RNF220: variants seen among roughly 807,000 people sequenced by gnomAD.
RNF220 encodes the protein E3 ubiquitin-protein ligase RNF220.
Under a neutral mutation model 67.1 loss-of-function variants are expected in RNF220, and 7 were observed. The observed-to-expected ratio is 0.10, with a 90% CI of 0.06 to 0.20. The LOEUF (loss-of-function observed/expected upper bound fraction) is 0.20, where lower values mean the gene tolerates loss of function less well. Among genes scored for constraint, RNF220 ranks in the 10% least tolerant of loss-of-function variants. The pLI is 1.00. For synonymous variants in RNF220, 270 were observed against 283.2 expected (o/e 0.95, Z 0.47); for missense variants, 565 against 740.3 (o/e 0.76, Z 2.75).
chr1:44,635,477 A>T (rs1452627695), intron 6 of RNF220, 68 bp from the exon 7 acceptor site: 23 of 1,581,822 alleles, frequency 1.5e-5, no homozygotes, highest in Non-Finnish European at 1.9e-5. Flanking sequence ...TGTCAGCTCC[A>T]CTGGGACCCT....
intron 2 of RNF220, among the ~76,000 whole-genome samples, chr1:44,604,776 A>G (rs1011655819): frequency 4.7e-4 from 71 of 152,242 alleles, no homozygotes; most frequent in African/African-American, 1.7e-3. Context: ...ATGCATCACC[A>G]TAGGAGTCAG....
At chr1:44,424,120 T>C (rs1649504069) in intron 2 of RNF220, 1 of 624,994 alleles carries the variant, frequency 1.6e-6, no homozygotes, top group African/African-American at 2.0e-5. Flanking sequence ...CTTCCTCTTC[T>C]TGACAGCCTT....
At chr1:44,552,951 G>A (rs1436868009) in intron 2 of RNF220, among the ~76,000 whole-genome samples, 2 of 152,040 alleles carry the variant, frequency 1.3e-5, no homozygotes, top group East Asian at 3.9e-4. Flanking sequence ...ACCACGCCCC[G>A]CCTTGAGCTA....
chr1:44,521,386 A>G (rs1377866485), intron 2 of RNF220, among the ~76,000 whole-genome samples: 1 of 152,228 alleles, frequency 6.6e-6, no homozygotes, highest in African/African-American at 2.4e-5. Context: ...GAGTTTACAC[A>G]TGGGATGACA....
At chr1:44,538,435 C>T (rs148394435) in intron 2 of RNF220, among the ~76,000 whole-genome samples, 2 of 152,186 alleles carry the variant, frequency 1.3e-5, no homozygotes, top group Non-Finnish European at 2.9e-5. Context: ...GATTGGTCTA[C>T]ACTTTCTCAC....
At chr1:44,549,302 C>G (rs1401510511) in intron 2 of RNF220, among the ~76,000 whole-genome samples, 3 of 152,198 alleles carry the variant, frequency 2.0e-5, no homozygotes, top group Admixed American at 1.3e-4. Flanking sequence ...AGCACAATGC[C>G]TTGCATATAG....
intron 6 of RNF220, among the ~76,000 whole-genome samples, chr1:44,634,400 G>A (rs1644263216): frequency 6.6e-6 from 1 of 152,244 alleles, no homozygotes; most frequent in African/African-American, 2.4e-5. Context: ...CCTTGGGTAA[G>A]GTACTTGGCT....
intron 2 of RNF220, among the ~76,000 whole-genome samples, chr1:44,602,304 G>A (rs1185404660): frequency 1.3e-5 from 2 of 152,146 alleles, no homozygotes; most frequent in Non-Finnish European, 2.9e-5. Context: ...TCCAGAGGGT[G>A]GAGAAGCAAT....
In RNF220 at chr1:44,477,679, G is replaced by A. The variant is rs150029947; in HGVS notation, c.625+64957G>A. On this transcript the variant is annotated intron_variant, in intron 2 of 14. Coordinates refer to ENST00000361799, the MANE Select transcript of RNF220 (RefSeq NM_018150.4). The stretch of plus-strand genomic sequence containing the variant: ...CTCCTTGTAGTAGGTCTAATCCAAA[G>A]ATGTTCATTCTGCAGCTTAGGCTGA... Among the ~76,000 whole-genome samples the A allele has an allele frequency of 7.8e-3, 1,181 of 152,298 alleles. 17 individuals carry two copies. The highest frequency in any genetic ancestry group is 0.027 in the African/African-American group (1,103 of 41,558).
chr1:44,633,280 G>A (rs1644223349), intron 6 of RNF220, among the ~76,000 whole-genome samples: 1 of 152,202 alleles, frequency 6.6e-6, no homozygotes, highest in South Asian at 2.1e-4. Context: ...AAGAAAACAG[G>A]CTCTGAGAGG....
chr1:44,614,133 T>C, intron 2 of RNF220, 32 bp from the exon 3 acceptor site: 1 of 1,613,364 alleles, frequency 6.2e-7, no homozygotes. Flanking sequence ...TAGCCCAGCT[T>C]ACGCGTCTGT....
Position 44,622,859 on chromosome 1 carries a change from G to A in RNF220, c.804+72G>A. The A allele has an allele frequency of 1.5e-6, 2 of 1,320,890 alleles. No homozygotes were observed. Among genetic ancestry groups the A allele is most frequent in the African/African-American group, 1.5e-5 (1 of 68,416 alleles). The allele number at this position is 1,320,890 out of a possible 1,614,324, so 81.8% of individuals were successfully genotyped here. A position where few individuals can be genotyped will look rare whatever the true frequency, so the allele number is the denominator to read the frequency against. On this transcript the variant is annotated intron_variant, in intron 4 of 14. Transcript: ENST00000361799. The surrounding 1 kb of genome is among the most constrained non-coding windows in gnomAD (Gnocchi z 4.3). ...CCTACCCAGAACTGGTTCCTCCTGA[G>A]AAAAAGGAGCTTTTCTAGTATCCTC...
intron 2 of RNF220, among the ~76,000 whole-genome samples, chr1:44,421,916 A>G (rs1649266489): frequency 6.6e-6 from 1 of 152,078 alleles, no homozygotes; most frequent in Non-Finnish European, 1.5e-5. Flanking sequence ...ATGCCCACAC[A>G]TGTTTGTAGC....
intron 2 of RNF220, among the ~76,000 whole-genome samples, chr1:44,507,052 G>A (rs1658495069): frequency 6.6e-6 from 1 of 152,102 alleles, no homozygotes; most frequent in African/African-American, 2.4e-5. Flanking sequence ...AGAAGAAGGA[G>A]GCAGAGATCC....
intron 2 of RNF220, among the ~76,000 whole-genome samples, chr1:44,520,644 G>C (rs166630): frequency 0.94 from 143,522 of 152,242 alleles, 68,133 homozygotes; most frequent in Non-Finnish European, 1. Flanking sequence ...CTTCCCTACT[G>C]CTCTTCCCCC....
intron 2 of RNF220, among the ~76,000 whole-genome samples, chr1:44,579,619 A>C (rs937455008): frequency 6.6e-6 from 1 of 152,196 alleles, no homozygotes; most frequent in African/African-American, 2.4e-5. Context: ...CACTCATCCG[A>C]GACAACCAGC....
At chr1:44,628,589 T>C (rs1245442045) in intron 5 of RNF220, among the ~76,000 whole-genome samples, 2 of 152,224 alleles carry the variant, frequency 1.3e-5, no homozygotes, top group African/African-American at 4.8e-5. Context: ...TGAAGCTCCT[T>C]ATCATGGCAG....
intron 2 of RNF220, among the ~76,000 whole-genome samples, chr1:44,604,604 C>T (rs1667145931): frequency 6.6e-6 from 1 of 152,258 alleles, no homozygotes; most frequent in South Asian, 2.1e-4. Flanking sequence ...TTGCTTGTGC[C>T]TTGGCCTGGA....
intron 5 of RNF220, 73 bp from the exon 6 acceptor site, chr1:44,632,270 C>T: frequency 1.2e-6 from 2 of 1,613,678 alleles, no homozygotes; most frequent in East Asian, 2.2e-5. Flanking sequence ...GGTGCTGGGG[C>T]GGGGGCCAGG....
Sources: gnomAD v4.1 joint callset for allele counts (sites outside exome capture counted in the v4.1 genomes callset) on GRCh38, gnomAD v4.1.1 for gene constraint, Gnocchi (gnomAD v3.1) non-coding constraint, MANE v1.5 for transcripts, NCBI Gene and HGNC (gene_info 2026-07-23, HGNC 2026-07-21) for gene names.